Variants in TACC2 observed in about 807,000 individuals in gnomAD.
TACC2 encodes the protein transforming acidic coiled-coil containing protein 2.
Under a neutral mutation model 227.3 loss-of-function variants are expected in TACC2, and 137 were observed. The ratio of observed to expected loss-of-function variants is 0.60; its 90% confidence interval spans 0.52 to 0.69. TACC2 has a LOEUF of 0.69. TACC2 is among the 30% of genes least tolerant of loss of function. TACC2 has a pLI of 0.00. For missense variants in TACC2, 3,470 were observed against 3,694.4 expected (o/e 0.94, Z 1.57); for synonymous variants, 1,523 against 1,487.5 (o/e 1.02, Z -0.55).
intron 3 of TACC2, among the ~76,000 whole-genome samples, chr10:122,062,118 C>T (rs929938975): frequency 2.0e-5 from 3 of 150,820 alleles, no homozygotes; most frequent in Admixed American, 6.6e-5. Context: ...CTGCAAGCTC[C>T]GCCTCCCTGG....
At chr10:122,248,052 C>G (rs1366974798) in intron 19 of TACC2, 1 of 153,282 alleles carries the variant, frequency 6.5e-6, no homozygotes, top group Admixed American at 6.5e-5. Context: ...AGAAGCTAAC[C>G]TTGACGGAAA....
intron 1 of TACC2, among the ~76,000 whole-genome samples, chr10:122,021,210 C>T (rs1332477906): frequency 6.9e-6 from 1 of 145,526 alleles, no homozygotes; most frequent in Non-Finnish European, 1.5e-5. Context: ...GCCTGGGCGA[C>T]AGAGTGAGAC....
intron 5 of TACC2, among the ~76,000 whole-genome samples, chr10:122,129,275 C>T (rs2087562160): frequency 6.6e-6 from 1 of 151,860 alleles, no homozygotes; most frequent in Non-Finnish European, 1.5e-5. Flanking sequence ...CCAGGCTCGT[C>T]TCGAACTCTT....
rs144016066 is a variant in TACC2, at chr10:122,082,994, A to G, written c.494A>G (p.Gln165Arg). ...PAERDSSTPY[Q>R]EIAAVPSAGR... ...GAGAGGGACAGCTCTACTCCATACCAAGAGATTGCTGCCGTCCCCAGTGCT... is the reference window on the plus strand; with the variant it reads ...GAGAGGGACAGCTCTACTCCATACCGAGAGATTGCTGCCGTCCCCAGTGCT... Residue 165 changes from glutamine to arginine, a missense_variant, in exon 4 of 23, where the codon CAA becomes CGA. Transcript: ENST00000369005. The G allele has an allele frequency of 1.2e-5, 19 of 1,612,522 alleles. No individual in the cohort carries two copies. In the African/African-American group the frequency reaches 2.3e-4, roughly 19 times the overall value.
At chr10:122,115,301 TGTGTGTGTGTGTGTGTGTGAGA>T (rs1217450172) in intron 5 of TACC2, among the ~76,000 whole-genome samples, 1 of 11,650 alleles carries the variant, frequency 8.6e-5, no homozygotes, top group Admixed American at 1.5e-3. Context: ...TGTGTGTGTG[TGTGTGTGTGTGTGTGTGTGAGA>T]TACCTGAGCA....
At chr10:122,115,271 AGTGTGTGTGT>A (rs1180604805) in intron 5 of TACC2, among the ~76,000 whole-genome samples, 329 of 60,782 alleles carry the variant, frequency 5.4e-3, no homozygotes, top group Middle Eastern at 0.054. Context: ...TAGGTAGGTG[AGTGTGTGTGT>A]GTGTGTGTGT....
chr10:122,140,186 C>A (rs774198957), intron 6 of TACC2, among the ~76,000 whole-genome samples: 1 of 152,172 alleles, frequency 6.6e-6, no homozygotes, highest in African/African-American at 2.4e-5. Context: ...TCAGATCCAT[C>A]GTCTCTGATC....
chr10:122,101,349 A>G (rs1382426113), intron 5 of TACC2, among the ~76,000 whole-genome samples: 1 of 152,120 alleles, frequency 6.6e-6, no homozygotes, highest in Middle Eastern at 3.2e-3. Flanking sequence ...GTCCCCTGCA[A>G]TGGCAGGGAC....
chr10:122,170,524 ACTCCTGAC>A (rs1467796479), intron 7 of TACC2, among the ~76,000 whole-genome samples: 11 of 151,312 alleles, frequency 7.3e-5, no homozygotes, highest in African/African-American at 2.7e-4. Context: ...CTGGTCTCGA[ACTCCTGAC>A]CTCAAATGGT....
intron 19 of TACC2, chr10:122,245,036 T>A (rs8181338): frequency 0.31 from 47,504 of 152,224 alleles, 8,114 homozygotes; most frequent in South Asian, 0.43. Flanking sequence ...TTTCTGTTGC[T>A]TCTTGCCCTT....
intron 11 of TACC2, among the ~76,000 whole-genome samples, chr10:122,222,721 C>T (rs1012909208): frequency 2.0e-5 from 3 of 152,136 alleles, no homozygotes; most frequent in Non-Finnish European, 2.9e-5. Context: ...TTACCAGAGC[C>T]GGGCACTCGC....
At chr10:122,229,608 C>T (rs2095695234) in intron 15 of TACC2, 122 bp downstream of exon 15, 13 of 1,100,140 alleles carry the variant, frequency 1.2e-5, no homozygotes, top group Non-Finnish European at 1.6e-5. Context: ...TTCCCAGTGA[C>T]ATATCTTCCC....
chr10:122,078,473 C>T (rs528717955), intron 3 of TACC2, among the ~76,000 whole-genome samples: 3 of 152,294 alleles, frequency 2.0e-5, no homozygotes, highest in South Asian at 4.1e-4. Context: ...TGACCCCCTG[C>T]CAGCCCCTGC....
chr10:122,241,992 C>G lies in TACC2; in HGVS notation c.8383C>G (p.Gln2795Glu), dbSNP rs1176806548. 2 of 1,614,190 alleles carry G rather than the reference C, an allele frequency of 1.2e-6. No homozygotes were observed. The highest frequency in any genetic ancestry group is 2.2e-5 in the South Asian group (2 of 91,076). ...IVAEYEKTIA[Q>E]MIEDEQREKS... ...GGCCGAGTATGAGAAGACCATCGCT[C>G]AGATGATAGGTAGGTGTCCTGACCT... The change falls in exon 19 of 23, where the codon CAG becomes GAG. Residue 2795 changes from glutamine (Q) to glutamate (E), a missense_variant. By Grantham distance (29) the Gln-to-Glu change is conservative. Around this residue, in one of 10 missense-constraint regions of TACC2, gnomAD observed 65 missense variants for 119.3 expected, o/e 0.54. Transcript: ENST00000369005.
At chr10:122,228,370 CAGTT>C (rs1408952334) in intron 14 of TACC2, among the ~76,000 whole-genome samples, 4 of 152,082 alleles carry the variant, frequency 2.6e-5, no homozygotes, top group Non-Finnish European at 2.9e-5. Context: ...TTTTGGGAAA[CAGTT>C]AGTTTTCCTG....
chr10:122,021,241 GC>G lies in TACC2; in HGVS notation c.-45-695del, dbSNP rs1394663715. 5.0e-4 allele frequency among the ~76,000 whole-genome samples: 72 copies of G among 143,238 alleles called. 1 individual carries two copies. Among genetic ancestry groups the G allele is most frequent in the Admixed American group, 3.7e-3 (53 of 14,430 alleles). The allele number at this position is 143,238 out of a possible 152,430, so 94.0% of individuals were successfully genotyped here. A position where few individuals can be genotyped will look rare whatever the true frequency, so the allele number is the denominator to read the frequency against. ...GAGACTCCATCTCGAAAAAAAAAAG[GC>G]GGGGGGGAAGAAAGATCATTAATAA... On this transcript the variant is annotated intron_variant, in intron 1 of 22. Coordinates refer to ENST00000369005, the MANE Select transcript of TACC2 (RefSeq NM_206862.4).
chr10:122,222,384 C>T (rs10887106), intron 11 of TACC2, among the ~76,000 whole-genome samples: 47,147 of 152,070 alleles, frequency 0.31, 7,504 homozygotes, highest in East Asian at 0.46. Flanking sequence ...CCCAAATGAC[C>T]GTGATTGCAA....
In TACC2 at chr10:122,227,716, G is replaced by A. The variant is rs1023592662; in HGVS notation, c.7725-121G>A. Reference sequence around the variant, plus strand: ...AGGCTGCATGGCCACTGGAGACCTGGCTCATATCCCTCTGGAAGTCCAGGA... The same window carrying A: ...AGGCTGCATGGCCACTGGAGACCTGACTCATATCCCTCTGGAAGTCCAGGA... On this transcript the variant is annotated intron_variant, in intron 13 of 22. Coordinates refer to ENST00000369005, the MANE Select transcript of TACC2 (RefSeq NM_206862.4). The A allele has an allele frequency of 6.2e-6, 7 of 1,134,446 alleles. No individual in the cohort carries two copies. In the African/African-American group the frequency reaches 6.2e-5, roughly 10 times the overall value. The allele number at this position is 1,134,446 out of a possible 1,614,324, so 70.3% of individuals were successfully genotyped here. A position where few individuals can be genotyped will look rare whatever the true frequency, so the allele number is the denominator to read the frequency against.
At chr10:122,017,596 C>T (rs921261867) in intron 1 of TACC2, among the ~76,000 whole-genome samples, 5 of 152,004 alleles carry the variant, frequency 3.3e-5, no homozygotes, top group African/African-American at 9.7e-5. Context: ...GCAGGCGGAT[C>T]GCTTGAGCCT....
Sources: gnomAD v4.1 joint callset for allele counts (sites outside exome capture counted in the v4.1 genomes callset) on GRCh38, gnomAD v4.1.1 for gene constraint, gnomAD v4.1.1 regional missense constraint, MANE v1.5 for transcripts, NCBI Gene and HGNC (gene_info 2026-07-23, HGNC 2026-07-21) for gene names.